Variants in RPS6KC1 observed in about 807,000 individuals in gnomAD.
RPS6KC1 encodes inactive ribosomal protein S6 kinase delta-1.
A neutral mutation model predicts 103.8 loss-of-function variants in RPS6KC1; 54 were observed. The ratio of observed to expected loss-of-function variants is 0.52; its 90% confidence interval spans 0.42 to 0.65. The LOEUF (loss-of-function observed/expected upper bound fraction) is 0.65. RPS6KC1 is among the 30% of genes least tolerant of loss of function. RPS6KC1 has a pLI of 0.00. For synonymous variants in RPS6KC1, 439 were observed against 438.7 expected (o/e 1.00, Z -0.01); for missense variants, 1,151 against 1,253.8 (o/e 0.92, Z 1.24).
chr1:213,461,217 A>G, the RPS6KC1 span, among the ~76,000 whole-genome samples: 1 of 152,212 alleles, frequency 6.6e-6, no homozygotes, highest in South Asian at 2.1e-4. Flanking sequence ...TAGGAATACA[A>G]CTTAGAAGGG....
intron 7 of RPS6KC1, among the ~76,000 whole-genome samples, chr1:213,169,090 C>T (rs1242074028): frequency 6.6e-6 from 1 of 152,102 alleles, no homozygotes; most frequent in Non-Finnish European, 1.5e-5. Context: ...GTGGATTACA[C>T]ATATACACAT....
At chr1:213,474,509 G>A in the RPS6KC1 span, among the ~76,000 whole-genome samples, 1 of 152,270 alleles carries the variant, frequency 6.6e-6, no homozygotes, top group East Asian at 1.9e-4. Flanking sequence ...GGAAAATGAG[G>A]TGCAATTTAT....
chr1:213,644,470 C>T, the RPS6KC1 span, among the ~76,000 whole-genome samples: 33 of 152,210 alleles, frequency 2.2e-4, no homozygotes, highest in Middle Eastern at 6.8e-3. Flanking sequence ...TCCACGAGTA[C>T]AGTATCATAC....
the RPS6KC1 span, among the ~76,000 whole-genome samples, chr1:213,289,614 A>T: frequency 1.3e-5 from 2 of 152,258 alleles, no homozygotes; most frequent in African/African-American, 4.8e-5. Flanking sequence ...TAATGGGTGT[A>T]GCATAACTGA....
At chr1:213,859,975 AC>A in the RPS6KC1 span, among the ~76,000 whole-genome samples, 13 of 145,608 alleles carry the variant, frequency 8.9e-5, no homozygotes, top group African/African-American at 3.7e-4. Flanking sequence ...TACAGTCTAA[AC>A]AAAAAAAAAA....
the RPS6KC1 span, among the ~76,000 whole-genome samples, chr1:213,601,913 T>TTCCC: frequency 7.2e-6 from 1 of 139,306 alleles, no homozygotes; most frequent in African/African-American, 2.6e-5. Flanking sequence ...TTCCCTTCCC[T>TTCCC]TCCCTCCCTC....
chr1:213,255,512 A>T (rs549376907), intron 12 of RPS6KC1, among the ~76,000 whole-genome samples: 1 of 152,106 alleles, frequency 6.6e-6, no homozygotes, highest in African/African-American at 2.4e-5. Flanking sequence ...CCTGATGTTT[A>T]TAGTAACTAT....
intron 8 of RPS6KC1, among the ~76,000 whole-genome samples, chr1:213,177,277 T>C (rs995681034): frequency 6.6e-6 from 1 of 152,206 alleles, no homozygotes; most frequent in Admixed American, 6.5e-5. Flanking sequence ...GTATATTTGC[T>C]CAACCACCGC....
the RPS6KC1 span, among the ~76,000 whole-genome samples, chr1:213,814,584 A>G: frequency 6.6e-6 from 1 of 151,932 alleles, no homozygotes; most frequent in African/African-American, 2.4e-5. Flanking sequence ...TCTTCCACTC[A>G]CCTCCCTGAA....
the RPS6KC1 span, among the ~76,000 whole-genome samples, chr1:213,797,513 A>T: frequency 1.5e-4 from 23 of 152,176 alleles, no homozygotes; most frequent in Non-Finnish European, 2.9e-4. Context: ...TACACTATGA[A>T]ATACTACTGT....
At chr1:213,103,855 A>G (rs1321389701) in intron 3 of RPS6KC1, among the ~76,000 whole-genome samples, 2 of 152,240 alleles carry the variant, frequency 1.3e-5, no homozygotes, top group African/African-American at 4.8e-5. Flanking sequence ...TTCTATGGAA[A>G]GCACCTTTTG....
chr1:213,609,471 C>T, the RPS6KC1 span, among the ~76,000 whole-genome samples: 2 of 152,134 alleles, frequency 1.3e-5, no homozygotes, highest in South Asian at 4.1e-4. Flanking sequence ...GTGCAAACAG[C>T]CCCTTCTTGG....
chr1:213,517,924 G>A, the RPS6KC1 span, among the ~76,000 whole-genome samples: 1 of 152,162 alleles, frequency 6.6e-6, no homozygotes, highest in Non-Finnish European at 1.5e-5. Flanking sequence ...TGTATTGGGT[G>A]CATATATATT....
intron 6 of RPS6KC1, among the ~76,000 whole-genome samples, chr1:213,164,409 A>T (rs532308290): frequency 1.3e-5 from 2 of 152,334 alleles, no homozygotes; most frequent in Non-Finnish European, 2.9e-5. Context: ...TCCCTATCAG[A>T]GATCACACAC....
the RPS6KC1 span, among the ~76,000 whole-genome samples, chr1:213,829,704 G>A: frequency 1.4e-4 from 21 of 152,238 alleles, no homozygotes; most frequent in African/African-American, 4.8e-4. Flanking sequence ...TTTAACAAAG[G>A]GAAGCAAGCT....
the RPS6KC1 span, among the ~76,000 whole-genome samples, chr1:213,744,170 G>A: frequency 6.6e-6 from 1 of 152,028 alleles, no homozygotes; most frequent in African/African-American, 2.4e-5. Flanking sequence ...TACATGGTGG[G>A]TACAGTGTAC....
chr1:213,212,851 A>G (rs1271492420), intron 8 of RPS6KC1, among the ~76,000 whole-genome samples: 1 of 152,228 alleles, frequency 6.6e-6, no homozygotes, highest in East Asian at 1.9e-4. Flanking sequence ...ATCTTTTTAT[A>G]TGCTTATTTG....
At chr1:213,164,194 G>T (rs1040419865) in intron 6 of RPS6KC1, among the ~76,000 whole-genome samples, 1 of 152,148 alleles carries the variant, frequency 6.6e-6, no homozygotes, top group Non-Finnish European at 1.5e-5. Context: ...ATAGAATATG[G>T]TATAATGAAG....
At chr1:213,839,338 C>T in the RPS6KC1 span, among the ~76,000 whole-genome samples, 2 of 152,160 alleles carry the variant, frequency 1.3e-5, no homozygotes, top group African/African-American at 2.4e-5. Context: ...CTCTCTTCTC[C>T]AGCCATCCTG....
Sources: gnomAD v4.1 joint callset for allele counts (sites outside exome capture counted in the v4.1 genomes callset) on GRCh38, gnomAD v4.1.1 for gene constraint, MANE v1.5 for transcripts, NCBI Gene and HGNC (gene_info 2026-07-23, HGNC 2026-07-21) for gene names.